The following CAMKMT variants were observed in gnomAD, a reference collection of about 807,000 sequenced individuals.
CAMKMT encodes the protein calmodulin-lysine N-methyltransferase.
In CAMKMT, 53 loss-of-function variants were observed where a neutral mutation model predicts 48.0. The observed-to-expected ratio is 1.10, with a 90% confidence interval of 0.89 to 1.39. The LOEUF is 1.39. CAMKMT is among the 40% of genes most tolerant of loss of function. CAMKMT has a pLI of 0.00. For missense variants in CAMKMT, 428 were observed against 402.7 expected, an observed-to-expected ratio of 1.06 and a Z score of -0.54; for synonymous variants, 165 against 152.3, an observed-to-expected ratio of 1.08 and a Z score of -0.61.
At chr2:44,429,998 CTT>C (rs1486184738) in intron 3 of CAMKMT, among the ~76,000 whole-genome samples, 1 of 151,868 alleles carries the variant, frequency 6.6e-6, no homozygotes, top group Non-Finnish European at 1.5e-5. Flanking sequence ...ATCCAGGACT[CTT>C]TATAGAGAAG....
intron 3 of CAMKMT, among the ~76,000 whole-genome samples, chr2:44,582,505 G>A (rs1367404686): frequency 6.6e-6 from 1 of 152,176 alleles, no homozygotes; most frequent in Admixed American, 6.5e-5. Flanking sequence ...ATAAAGGTCA[G>A]TGGTTACCTG....
intron 3 of CAMKMT, among the ~76,000 whole-genome samples, chr2:44,612,997 C>T (rs1001522618): frequency 6.6e-6 from 1 of 152,026 alleles, no homozygotes; most frequent in Non-Finnish European, 1.5e-5. Context: ...CATTGTCTGG[C>T]AATATGGGTA....
chr2:44,695,351 G>A (rs1344100846), intron 3 of CAMKMT, among the ~76,000 whole-genome samples: 1 of 151,978 alleles, frequency 6.6e-6, no homozygotes, highest in Admixed American at 6.6e-5. Context: ...TGTCTTGTAC[G>A]TCCTTCTCCT....
intron 3 of CAMKMT, among the ~76,000 whole-genome samples, chr2:44,628,925 A>G (rs968601790): frequency 6.6e-6 from 1 of 152,230 alleles, no homozygotes; most frequent in African/African-American, 2.4e-5. Context: ...GAATTGTTAT[A>G]TAGCCCATCA....
chr2:44,626,888 T>C (rs2103953236), intron 3 of CAMKMT, among the ~76,000 whole-genome samples: 1 of 152,328 alleles, frequency 6.6e-6, no homozygotes, highest in South Asian at 2.1e-4. Context: ...TCTAGTGCAC[T>C]GGCTGGGAGA....
chr2:44,621,095 C>T (rs1337712028), intron 3 of CAMKMT, among the ~76,000 whole-genome samples: 1 of 151,836 alleles, frequency 6.6e-6, no homozygotes, highest in African/African-American at 2.4e-5. Context: ...GGTGAAACCC[C>T]GTCTCTACTA....
At chr2:44,743,396 C>T (rs987300830) in intron 7 of CAMKMT, among the ~76,000 whole-genome samples, 4 of 151,978 alleles carry the variant, frequency 2.6e-5, no homozygotes, top group Non-Finnish European at 5.9e-5. Flanking sequence ...TAAAAACTAG[C>T]AAAAAGGTTA....
Position 44,691,521 on chromosome 2 carries a change from A to G in CAMKMT, c.377-12762A>G, listed in dbSNP as rs186880491. ...ACACCCATAATAAACAGGCCATCCT[A>G]TAGTCCTAGAAGAATTTATTGTTGA... On this transcript the variant is annotated intron_variant, in intron 3 of 10. Transcript: ENST00000378494. Among the ~76,000 whole-genome samples, 24 of 152,332 alleles carry G rather than the reference A, an allele frequency of 1.6e-4. 1 individual carries two copies. The highest frequency in any genetic ancestry group is 1.6e-3 in the Admixed American group (24 of 15,302).
intron 3 of CAMKMT, among the ~76,000 whole-genome samples, chr2:44,571,409 A>G (rs2103735908): frequency 6.6e-6 from 1 of 152,346 alleles, no homozygotes; most frequent in South Asian, 2.1e-4. Context: ...TATGTGTTGA[A>G]GTAAATAATT....
intron 9 of CAMKMT, among the ~76,000 whole-genome samples, chr2:44,762,234 TC>T (rs1254015985): frequency 3.3e-5 from 5 of 152,172 alleles, no homozygotes; most frequent in African/African-American, 1.2e-4. Flanking sequence ...ACATCTGTAA[TC>T]CCAACACTTT....
chr2:44,748,951 G>A (rs1277712451), intron 8 of CAMKMT, among the ~76,000 whole-genome samples: 1 of 152,124 alleles, frequency 6.6e-6, no homozygotes, highest in Non-Finnish European at 1.5e-5. Context: ...ATTAATTACT[G>A]TTTAATATGA....
rs1403874047 is a variant in CAMKMT, at chr2:44,534,821, G to C, written c.376+144516G>C. On this transcript the variant is annotated intron_variant, in intron 3 of 10. Coordinates refer to ENST00000378494, the MANE Select transcript of CAMKMT (RefSeq NM_024766.5). ...TCTAGCAATGCACCTCAAGGAACTT[G>C]AAAAGCAAGAACAAACCGAACCTAA... Among the ~76,000 whole-genome samples, 3 of 113,714 alleles carry C rather than the reference G, an allele frequency of 2.6e-5. No homozygotes were observed. The East Asian group carries it at 6.1e-4, about 23-fold the overall frequency. The allele number at this position is 113,714 out of a possible 152,430, so 74.6% of individuals were successfully genotyped here.
At chr2:44,429,629 G>A (rs774799254) in intron 3 of CAMKMT, among the ~76,000 whole-genome samples, 3 of 151,816 alleles carry the variant, frequency 2.0e-5, no homozygotes, top group Non-Finnish European at 2.9e-5. Flanking sequence ...GTGAAACCCC[G>A]TCTCTACTAA....
intron 3 of CAMKMT, among the ~76,000 whole-genome samples, chr2:44,611,482 C>G (rs1671596517): frequency 6.7e-6 from 1 of 150,076 alleles, no homozygotes; most frequent in African/African-American, 2.5e-5. Flanking sequence ...TAGGAGAATA[C>G]AGAACAATTT....
intron 7 of CAMKMT, among the ~76,000 whole-genome samples, chr2:44,728,381 T>C (rs1233642768): frequency 6.6e-6 from 1 of 152,224 alleles, no homozygotes; most frequent in African/African-American, 2.4e-5. Flanking sequence ...TGAAGTTTCC[T>C]TTTATCATTG....
chr2:44,771,331 AATAAAT>A (rs1681101420), intron 10 of CAMKMT, among the ~76,000 whole-genome samples: 1 of 152,226 alleles, frequency 6.6e-6, no homozygotes, highest in African/African-American at 2.4e-5. Context: ...TATTTGCTAG[AATAAAT>A]ATAAATATAA....
intron 3 of CAMKMT, among the ~76,000 whole-genome samples, chr2:44,585,029 T>A (rs1036074563): frequency 5.3e-5 from 8 of 151,034 alleles, no homozygotes; most frequent in Non-Finnish European, 1.0e-4. Context: ...CACTCCAGCC[T>A]GGGTGACAGA....
chr2:44,641,340 C>T (rs1032433617), intron 3 of CAMKMT, among the ~76,000 whole-genome samples: 1 of 152,086 alleles, frequency 6.6e-6, no homozygotes, highest in Non-Finnish European at 1.5e-5. Context: ...GAAAGACGGT[C>T]TTATGCACCC....
intron 3 of CAMKMT, among the ~76,000 whole-genome samples, chr2:44,687,271 T>C (rs1430310097): frequency 6.6e-6 from 1 of 152,232 alleles, no homozygotes; most frequent in East Asian, 1.9e-4. Context: ...AAGACAAATA[T>C]AAAAATGTGT....
Sources: allele counts gnomAD v4.1 joint callset (sites outside exome capture counted in the v4.1 genomes callset), GRCh38; gene constraint gnomAD v4.1.1; transcripts MANE v1.5; gene names NCBI Gene and HGNC (gene_info 2026-07-23, HGNC 2026-07-21).